SYN3: variants seen among roughly 807,000 people sequenced by gnomAD.
SYN3 encodes the protein synapsin III.
A neutral mutation model predicts 65.8 loss-of-function variants in SYN3; 35 were observed. The observed-to-expected ratio is 0.53, with a 90% confidence interval of 0.41 to 0.70. The LOEUF (loss-of-function observed/expected upper bound fraction) is 0.70. SYN3 is among the 30% of genes least tolerant of loss of function. The probability of loss-of-function intolerance (pLI) is 0.00; values close to 1 mark genes in which losing one functional copy is unlikely to be tolerated. For synonymous variants in SYN3, 270 were observed against 292.9 expected, an observed-to-expected ratio of 0.92 and a Z score of 0.80; for missense variants, 680 against 749.0, an observed-to-expected ratio of 0.91 and a Z score of 1.08.
At chr22:32,916,363 A>T (rs531772897) in intron 4 of SYN3, among the ~76,000 whole-genome samples, 11 of 152,360 alleles carry the variant, frequency 7.2e-5, no homozygotes, top group African/African-American at 2.6e-4. Context: ...TCCACAAAAA[A>T]ACTTTATACA....
chr22:32,956,392 T>C (rs2146858402), intron 3 of SYN3, among the ~76,000 whole-genome samples: 1 of 152,194 alleles, frequency 6.6e-6, no homozygotes, highest in South Asian at 2.1e-4. Flanking sequence ...TGACCTCAAA[T>C]AATCCACCTG....
chr22:32,793,659 C>T (rs1026701337), intron 6 of SYN3, among the ~76,000 whole-genome samples: 8 of 152,130 alleles, frequency 5.3e-5, no homozygotes, highest in African/African-American at 1.9e-4. Context: ...AGGAGAGGAC[C>T]CTGCCCCTAT....
intron 6 of SYN3, among the ~76,000 whole-genome samples, chr22:32,800,602 G>A (rs1261892988): frequency 1.3e-5 from 2 of 152,188 alleles, no homozygotes; most frequent in African/African-American, 4.8e-5. Flanking sequence ...TTAGTTATCT[G>A]CAATCATCTA....
At chr22:33,000,889 G>T (rs916555923) in intron 2 of SYN3, among the ~76,000 whole-genome samples, 1 of 152,160 alleles carries the variant, frequency 6.6e-6, no homozygotes. Context: ...CCTGCTGGCC[G>T]CTCCTGGTGG....
chr22:32,709,694 T>C (rs1484439910), intron 6 of SYN3, among the ~76,000 whole-genome samples: 2 of 151,876 alleles, frequency 1.3e-5, no homozygotes. Flanking sequence ...TTTTTCCTTT[T>C]TCTTTTTTTT....
intron 6 of SYN3, among the ~76,000 whole-genome samples, chr22:32,680,772 C>T (rs761255865): frequency 1.5e-4 from 23 of 152,224 alleles, no homozygotes; most frequent in Non-Finnish European, 2.9e-4. Flanking sequence ...ATTTCAAAGT[C>T]AACATCTAAA....
chr22:32,700,682 G>T (rs561399579), intron 6 of SYN3, among the ~76,000 whole-genome samples: 1 of 152,286 alleles, frequency 6.6e-6, no homozygotes, highest in African/African-American at 2.4e-5. Flanking sequence ...CACAATTCTA[G>T]GGGATTAGAC....
At chr22:32,615,100 G>A (rs1049204660) in intron 6 of SYN3, among the ~76,000 whole-genome samples, 1 of 152,120 alleles carries the variant, frequency 6.6e-6, no homozygotes, top group Non-Finnish European at 1.5e-5. Context: ...TTTGATCCTC[G>A]CAATGACTCT....
At chr22:32,987,078 C>T (rs1003759337) in intron 2 of SYN3, among the ~76,000 whole-genome samples, 3 of 152,050 alleles carry the variant, frequency 2.0e-5, no homozygotes, top group Non-Finnish European at 2.9e-5. Context: ...TCCAATAAAT[C>T]GATCCTGTAT....
intron 1 of SYN3, among the ~76,000 whole-genome samples, chr22:33,040,213 G>T (rs905899335): frequency 1.4e-4 from 22 of 151,882 alleles, no homozygotes; most frequent in Admixed American, 6.6e-4. Flanking sequence ...AGCCAGGATG[G>T]TCTCAATCTC....
chr22:32,785,454 T>C (rs1450530930), intron 6 of SYN3, among the ~76,000 whole-genome samples: 2 of 152,144 alleles, frequency 1.3e-5, no homozygotes, highest in Admixed American at 6.5e-5. Context: ...CTCTGTAAGA[T>C]GGAGTCCTGG....
rs1601555560 is a variant in SYN3, at chr22:32,857,374, C to T, written c.711+7541G>A. ...ACCTGCTGACAGGTAATGGCCAACT[C>T]TAGCTTCTAGGCCAGGGTTTGGCCA... On this transcript the variant is annotated intron_variant, in intron 6 of 13. Coordinates refer to ENST00000358763, the MANE Select transcript of SYN3 (RefSeq NM_003490.4). 1.9e-6 allele frequency: 3 copies of T among 1,601,736 alleles called. No individual in the cohort carries two copies. Among genetic ancestry groups the T allele is most frequent in the Admixed American group, 1.7e-5 (1 of 59,978 alleles).
intron 3 of SYN3, among the ~76,000 whole-genome samples, chr22:32,965,843 C>T (rs548413211): frequency 3.7e-3 from 568 of 152,096 alleles, no homozygotes; most frequent in Non-Finnish European, 6.0e-3. Flanking sequence ...TACAGGCGCC[C>T]GCCACCACAC....
chr22:32,679,339 C>T (rs1275686692), intron 6 of SYN3, among the ~76,000 whole-genome samples: 3 of 152,064 alleles, frequency 2.0e-5, no homozygotes, highest in East Asian at 1.9e-4. Context: ...GCATGAGCAC[C>T]GCGCCTGGCA....
intron 6 of SYN3, among the ~76,000 whole-genome samples, chr22:32,825,518 G>A (rs1446122678): frequency 1.3e-5 from 2 of 151,780 alleles, no homozygotes; most frequent in African/African-American, 2.4e-5. Flanking sequence ...AATTAGCTGG[G>A]TGTGGTGGCG....
chr22:32,683,991 G>A (rs1012057179), intron 6 of SYN3, among the ~76,000 whole-genome samples: 15 of 152,090 alleles, frequency 9.9e-5, no homozygotes, highest in African/African-American at 2.9e-4. Context: ...TGCTGCATTC[G>A]TGGACTTTTG....
intron 1 of SYN3, among the ~76,000 whole-genome samples, chr22:33,036,263 C>T (rs1268124813): frequency 3.9e-5 from 6 of 152,136 alleles, no homozygotes; most frequent in African/African-American, 4.8e-5. Flanking sequence ...TCATAAACCT[C>T]GATGATTGAG....
chr22:32,830,954 T>G (rs1286929648), intron 6 of SYN3, among the ~76,000 whole-genome samples: 7 of 151,508 alleles, frequency 4.6e-5, no homozygotes, highest in Admixed American at 1.3e-4. Flanking sequence ...AAAATGTGTG[T>G]TTTTTTTTCC....
chr22:33,007,960 G>A (rs915111773), intron 1 of SYN3, among the ~76,000 whole-genome samples: 25 of 149,588 alleles, frequency 1.7e-4, no homozygotes, highest in Admixed American at 1.3e-3. Flanking sequence ...TTTTTGAAAC[G>A]GGGTCTCACT....
Sources: allele counts gnomAD v4.1 joint callset (sites outside exome capture counted in the v4.1 genomes callset), GRCh38; gene constraint gnomAD v4.1.1; transcripts MANE v1.5; gene names NCBI Gene and HGNC (gene_info 2026-07-23, HGNC 2026-07-21).